DMXL2: variants seen among roughly 807,000 people sequenced by gnomAD.
DMXL2 encodes the protein Dmx like 2, also known as dmX-like protein 2.
A neutral mutation model predicts 331.1 loss-of-function variants in DMXL2; 103 were observed. The ratio of observed to expected loss-of-function variants is 0.31; its 90% CI spans 0.27 to 0.37. The LOEUF is 0.37. DMXL2 is among the 10% of genes least tolerant of loss of function. The pLI, the probability that DMXL2 is intolerant of heterozygous loss-of-function variation, is 1.00. For missense variants in DMXL2, 3,171 were observed against 3,642.9 expected (o/e 0.87, Z 3.33); for synonymous variants, 1,281 against 1,252.1 (o/e 1.02, Z -0.49).
intron 1 of DMXL2, among the ~76,000 whole-genome samples, chr15:51,615,053 A>G (rs2054205584): frequency 1.3e-5 from 2 of 152,246 alleles, no homozygotes; most frequent in Non-Finnish European, 2.9e-5. Flanking sequence ...GAATTTGCTA[A>G]CATTAGATAC....
intron 5 of DMXL2, among the ~76,000 whole-genome samples, chr15:51,563,916 T>C (rs1343438624): frequency 1.3e-5 from 2 of 152,152 alleles, no homozygotes; most frequent in African/African-American, 4.8e-5. Flanking sequence ...GCTATAACTA[T>C]GAAAATACTT....
At chr15:51,496,199 G>A (rs1415920170) in intron 18 of DMXL2, among the ~76,000 whole-genome samples, 1 of 152,062 alleles carries the variant, frequency 6.6e-6, no homozygotes, top group Non-Finnish European at 1.5e-5. Context: ...GGACTCTTCA[G>A]GTACTGGGAA....
intron 41 of DMXL2, among the ~76,000 whole-genome samples, chr15:51,452,039 T>C (rs1406505750): frequency 6.6e-6 from 1 of 152,194 alleles, no homozygotes; most frequent in African/African-American, 2.4e-5. Context: ...CATGTGTTGC[T>C]AATGAAAACC....
intron 1 of DMXL2, among the ~76,000 whole-genome samples, chr15:51,578,126 A>T (rs762871956): frequency 6.6e-6 from 1 of 152,216 alleles, no homozygotes; most frequent in South Asian, 2.1e-4. Flanking sequence ...GTGTTGGATC[A>T]CTCTCTCTTT....
chr15:51,541,120 AT>A (rs1319570417), intron 9 of DMXL2, among the ~76,000 whole-genome samples: 1 of 152,186 alleles, frequency 6.6e-6, no homozygotes, highest in East Asian at 1.9e-4. Context: ...TTGAAAACAA[AT>A]TATAAAGACA....
At chr15:51,543,771 TAA>T (rs1485416599) in intron 8 of DMXL2, among the ~76,000 whole-genome samples, 1 of 152,112 alleles carries the variant, frequency 6.6e-6, no homozygotes, top group Non-Finnish European at 1.5e-5. Flanking sequence ...ATAATATTAA[TAA>T]AAGACAGTAA....
intron 3 of DMXL2, among the ~76,000 whole-genome samples, chr15:51,566,386 C>T (rs921746541): frequency 2.6e-5 from 4 of 152,068 alleles, no homozygotes; most frequent in African/African-American, 9.7e-5. Flanking sequence ...ACAATCACAA[C>T]AGCATAACAC....
chr15:51,614,368 A>G (rs2054160056), intron 1 of DMXL2, among the ~76,000 whole-genome samples: 2 of 152,184 alleles, frequency 1.3e-5, no homozygotes, highest in African/African-American at 4.8e-5. Context: ...TAAAGTACAG[A>G]ATCTCTACAC....
Position 51,608,290 on chromosome 15 carries a change from C to T in DMXL2, c.87+14169G>A, listed in dbSNP as rs766531336. ...AATATAAATCGTTATACCATGAAGA[C>T]GCATGCATGCGTATGTCCACTGCAG... On this transcript the variant is annotated intron_variant, in intron 1 of 43. Transcript: ENST00000560891. Among the ~76,000 whole-genome samples, 11 of 152,246 alleles carry T rather than the reference C, an allele frequency of 7.2e-5. No individual in the cohort carries two copies. In the South Asian group the frequency reaches 1.4e-3, roughly 20 times the overall value.
intron 29 of DMXL2, among the ~76,000 whole-genome samples, chr15:51,470,234 C>G (rs1326349341): frequency 6.6e-6 from 1 of 152,098 alleles, no homozygotes; most frequent in Non-Finnish European, 1.5e-5. Context: ...CTCCTGGACT[C>G]AAGCAATCCT....
rs922284711 is a variant in DMXL2 at position 51,532,196 on chromosome 15, C to CA, written c.2436+3466dup. On this transcript the variant is annotated intron_variant, in intron 13 of 43. Transcript: ENST00000560891. ...TACATACGACAGAGTACTACTTGGC[C>CA]AAAAAAAAAAATGAGATTCCGTCAT... 7.0e-3 allele frequency among the ~76,000 whole-genome samples: 998 copies of CA among 142,680 alleles called. 2 individuals are homozygous for CA. Among genetic ancestry groups the CA allele is most frequent in the Non-Finnish European group, 9.9e-3 (642 of 64,770 alleles). 93.6% of individuals were successfully genotyped at this position (142,680 alleles called of 152,430 possible). A position where few individuals can be genotyped will look rare whatever the true frequency, so the allele number is the denominator to read the frequency against.
chr15:51,459,623 C>A lies in DMXL2; in HGVS notation c.7964G>T (p.Cys2655Phe). ...EEHVEQVNQN[C>F]IAEDCHIKVE... Reference sequence around the variant, plus strand: ...CTTGATGTGGCAATCTTCTGCTATGCAGTTTTGGTTGACCTGCTCCACATG... The same window carrying A: ...CTTGATGTGGCAATCTTCTGCTATGAAGTTTTGGTTGACCTGCTCCACATG... The change falls in exon 34 of 44, where the codon TGC becomes TTC. Residue 2655 changes from cysteine to phenylalanine, a missense_variant. Around this residue, in one of 7 missense-constraint regions of DMXL2, gnomAD observed 766 missense variants for 940.5 expected, o/e 0.81. Transcript: ENST00000560891. 7.8e-7 allele frequency: 1 copy of A among 1,289,820 alleles called. No individual in the cohort carries two copies. Among genetic ancestry groups the A allele is most frequent in the South Asian group, 1.2e-5 (1 of 81,030 alleles). 79.9% of individuals were successfully genotyped at this position (1,289,820 alleles called of 1,614,324 possible). A position where few individuals can be genotyped will look rare whatever the true frequency, so the allele number is the denominator to read the frequency against.
intron 1 of DMXL2, among the ~76,000 whole-genome samples, chr15:51,618,376 G>A (rs1301855485): frequency 6.7e-6 from 1 of 149,142 alleles, no homozygotes; most frequent in African/African-American, 2.5e-5. Flanking sequence ...TTTGCTAAAT[G>A]TATAAACTGG....
chr15:51,618,560 A>C (rs2054433465), intron 1 of DMXL2, among the ~76,000 whole-genome samples: 1 of 152,216 alleles, frequency 6.6e-6, no homozygotes, highest in South Asian at 2.1e-4. Context: ...TTAATTTAAA[A>C]AAAAAATTGA....
chr15:51,485,034 C>CAAA (rs35332731), intron 23 of DMXL2, among the ~76,000 whole-genome samples: 23 of 99,782 alleles, frequency 2.3e-4, no homozygotes, highest in South Asian at 7.1e-4. Context: ...TCAGGCAAAC[C>CAAA]AAAAAAAAAA....
intron 10 of DMXL2, 99 bp downstream of exon 10, chr15:51,538,114 A>G: frequency 7.0e-7 from 1 of 1,421,494 alleles, no homozygotes; most frequent in Non-Finnish European, 9.5e-7. Flanking sequence ...AGAAAAGTAA[A>G]AAGGAGGAAG....
intron 1 of DMXL2, among the ~76,000 whole-genome samples, chr15:51,592,625 C>T (rs959902663): frequency 1.2e-4 from 18 of 152,116 alleles, no homozygotes; most frequent in African/African-American, 3.9e-4. Flanking sequence ...TCTGATTAAC[C>T]AAAGTTGAAA....
intron 27 of DMXL2, among the ~76,000 whole-genome samples, chr15:51,475,148 T>C (rs1270944508): frequency 6.6e-6 from 1 of 152,164 alleles, no homozygotes; most frequent in African/African-American, 2.4e-5. Context: ...AAGACACATC[T>C]TTTTTGTGGT....
chr15:51,538,637 T>A (rs1478820546), intron 9 of DMXL2, among the ~76,000 whole-genome samples, 185 bp from the exon 10 acceptor site: 1 of 152,206 alleles, frequency 6.6e-6, no homozygotes, highest in Non-Finnish European at 1.5e-5. Flanking sequence ...ATGATAGACA[T>A]ATGAAATTAA....
Sources: allele counts gnomAD v4.1 joint callset (sites outside exome capture counted in the v4.1 genomes callset), GRCh38; gene constraint gnomAD v4.1.1; regional missense constraint gnomAD v4.1.1; transcripts MANE v1.5; gene names NCBI Gene and HGNC (gene_info 2026-07-23, HGNC 2026-07-21).